ERC2: variants seen among roughly 807,000 people sequenced by gnomAD.
ERC2 encodes the protein ELKS/RAB6-interacting/CAST family member 2, also known as ERC protein 2.
Under a neutral mutation model 114.8 loss-of-function variants are expected in ERC2, and 42 were observed. The observed-to-expected ratio is 0.37, with a 90% CI of 0.29 to 0.47. The LOEUF (loss-of-function observed/expected upper bound fraction) is 0.47, where lower values mean the gene tolerates loss of function less well. Among genes scored for constraint, ERC2 ranks in the 20% least tolerant of loss-of-function variants. The pLI is 0.99. For missense variants in ERC2, 939 were observed against 1,150.7 expected (o/e 0.82, Z 2.66); for synonymous variants, 454 against 425.5 (o/e 1.07, Z -0.82).
At chr3:56,031,141 G>C (rs2074356512) in intron 7 of ERC2, among the ~76,000 whole-genome samples, 1 of 152,208 alleles carries the variant, frequency 6.6e-6, no homozygotes, top group African/African-American at 2.4e-5. Context: ...CCAGGCACCA[G>C]GCCTGCCCCA....
At position 56,305,512 on chromosome 3, in the gene ERC2, C is replaced by CCACACACACA. The variant is rs58751787; in HGVS notation, c.658-9087_658-9078dup. Reference sequence around the variant, plus strand: ...AGCATTTTATACCCCACTCTCTTATCCACACACACACACACACACACACAC... The same window carrying CCACACACACA: ...AGCATTTTATACCCCACTCTCTTATCCACACACACACACACACACACACACACACACACAC... On this transcript the variant is annotated intron_variant, in intron 2 of 17. Transcript: ENST00000288221. Among the ~76,000 whole-genome samples the CCACACACACA allele has an allele frequency of 3.7e-3, 535 of 144,424 alleles. 6 individuals are homozygous for CCACACACACA. The highest frequency in any genetic ancestry group is 0.012 in the African/African-American group (470 of 38,704). 94.7% of individuals were successfully genotyped at this position (144,424 alleles called of 152,430 possible).
intron 6 of ERC2, among the ~76,000 whole-genome samples, chr3:56,111,419 C>T (rs61401343): frequency 0.15 from 22,647 of 151,298 alleles, 1,820 homozygotes; most frequent in African/African-American, 0.17. Flanking sequence ...GTTCTATCCC[C>T]CCCTCTCTCT....
chr3:55,586,017 G>T (rs1265127114), intron 17 of ERC2, among the ~76,000 whole-genome samples: 1 of 152,192 alleles, frequency 6.6e-6, no homozygotes, highest in Non-Finnish European at 1.5e-5. Context: ...TCTGGAAAGG[G>T]CAGCGTTTGA....
At chr3:56,202,677 G>A (rs1368854612) in intron 3 of ERC2, among the ~76,000 whole-genome samples, 1 of 151,920 alleles carries the variant, frequency 6.6e-6, no homozygotes, top group African/African-American at 2.4e-5. Context: ...TAAACCTAGA[G>A]GAAATTAGGC....
intron 12 of ERC2, among the ~76,000 whole-genome samples, chr3:55,967,691 C>T (rs1301158554): frequency 6.6e-6 from 1 of 152,180 alleles, no homozygotes; most frequent in East Asian, 1.9e-4. Context: ...GAAACTTGAT[C>T]GCCTATGCAG....
intron 3 of ERC2, among the ~76,000 whole-genome samples, chr3:56,243,450 G>GGTCC (rs767638854): frequency 5.9e-5 from 9 of 152,186 alleles, no homozygotes; most frequent in Non-Finnish European, 1.2e-4. Flanking sequence ...TGTGTTCAGA[G>GGTCC]GTCCTGGGGC....
At chr3:55,604,297 A>G (rs1023199349) in intron 17 of ERC2, among the ~76,000 whole-genome samples, 1 of 152,168 alleles carries the variant, frequency 6.6e-6, no homozygotes, top group South Asian at 2.1e-4. Flanking sequence ...GACGTGTGAA[A>G]GGCTTAAAGG....
At chr3:56,092,989 T>C (rs1469474848) in intron 6 of ERC2, among the ~76,000 whole-genome samples, 1 of 152,188 alleles carries the variant, frequency 6.6e-6, no homozygotes, top group Non-Finnish European at 1.5e-5. Flanking sequence ...AGTAATAATT[T>C]TGTGATCTTT....
chr3:55,550,769 C>A (rs1275453136), intron 17 of ERC2, among the ~76,000 whole-genome samples: 1 of 152,148 alleles, frequency 6.6e-6, no homozygotes, highest in Non-Finnish European at 1.5e-5. Context: ...ATAATCCCAG[C>A]ACTTTGGGAG....
At chr3:56,430,754 A>T (rs932498088) in intron 2 of ERC2, among the ~76,000 whole-genome samples, 1 of 152,206 alleles carries the variant, frequency 6.6e-6, no homozygotes, top group Admixed American at 6.5e-5. Flanking sequence ...GCACCACTGC[A>T]CTCCAGCCTA....
At chr3:55,904,502 A>G (rs753645005) in intron 13 of ERC2, among the ~76,000 whole-genome samples, 1 of 152,214 alleles carries the variant, frequency 6.6e-6, no homozygotes, top group Non-Finnish European at 1.5e-5. Flanking sequence ...TTATTACATC[A>G]AAATTGTTTC....
intron 2 of ERC2, among the ~76,000 whole-genome samples, chr3:56,426,552 A>C (rs2061576532): frequency 6.6e-6 from 1 of 152,240 alleles, no homozygotes; most frequent in Admixed American, 6.5e-5. Flanking sequence ...TGGTTACATC[A>C]CATGCTTTAG....
chr3:55,664,721 C>T (rs2061287605), intron 17 of ERC2, among the ~76,000 whole-genome samples: 2 of 152,208 alleles, frequency 1.3e-5, no homozygotes, highest in South Asian at 2.1e-4. Flanking sequence ...CGGCCCAGAG[C>T]TTCAGGCGAG....
At chr3:55,798,409 T>C (rs1575629796) in intron 14 of ERC2, among the ~76,000 whole-genome samples, 1 of 151,830 alleles carries the variant, frequency 6.6e-6, no homozygotes, top group African/African-American at 2.4e-5. Flanking sequence ...CCATCCTGGC[T>C]AACATGGTGA....
chr3:56,277,667 T>G (rs771242149), intron 3 of ERC2, among the ~76,000 whole-genome samples: 9 of 151,590 alleles, frequency 5.9e-5, no homozygotes, highest in Non-Finnish European at 1.0e-4. Context: ...TCCTAAATGG[T>G]GGGTTCAGGA....
chr3:55,668,578 C>T (rs926863878), intron 17 of ERC2, among the ~76,000 whole-genome samples: 1 of 152,206 alleles, frequency 6.6e-6, no homozygotes. Context: ...CACCTCATTC[C>T]AATGTGGTAG....
chr3:55,935,965 G>A (rs566021995), intron 13 of ERC2, among the ~76,000 whole-genome samples: 12 of 152,274 alleles, frequency 7.9e-5, no homozygotes, highest in African/African-American at 2.9e-4. Flanking sequence ...AATCTAAATA[G>A]TGCATTCTTT....
chr3:55,665,403 G>A (rs1412215569), intron 17 of ERC2, among the ~76,000 whole-genome samples: 1 of 152,176 alleles, frequency 6.6e-6, no homozygotes, highest in Non-Finnish European at 1.5e-5. Flanking sequence ...ACTTGAGAAT[G>A]TGACCTTATT....
At chr3:56,427,895 A>G (rs942115690) in intron 2 of ERC2, among the ~76,000 whole-genome samples, 5 of 152,178 alleles carry the variant, frequency 3.3e-5, no homozygotes, top group African/African-American at 9.6e-5. Flanking sequence ...TTCAACCCCC[A>G]CAAAACGTAT....
Sources: allele counts gnomAD v4.1 joint callset (sites outside exome capture counted in the v4.1 genomes callset), GRCh38; gene constraint gnomAD v4.1.1; transcripts MANE v1.5; gene names NCBI Gene and HGNC (gene_info 2026-07-23, HGNC 2026-07-21).